The following WDFY2 variants were observed in gnomAD, a reference collection of about 807,000 sequenced individuals.
WDFY2 encodes WD repeat and FYVE domain-containing protein 2.
A neutral mutation model predicts 56.4 loss-of-function variants in WDFY2; 36 were observed. The observed-to-expected ratio is 0.64, with a 90% CI of 0.49 to 0.84. The LOEUF (loss-of-function observed/expected upper bound fraction) is 0.84. Among genes scored for constraint, WDFY2 ranks in the 40% least tolerant of loss-of-function variants. The pLI, the probability that WDFY2 is intolerant of heterozygous loss-of-function variation, is 0.00. For missense variants in WDFY2, 444 were observed against 512.2 expected (o/e 0.87, Z 1.29); for synonymous variants, 176 against 183.7 (o/e 0.96, Z 0.34).
At chr13:51,619,223 C>T (rs781068237) in intron 1 of WDFY2, among the ~76,000 whole-genome samples, 17 of 152,126 alleles carry the variant, frequency 1.1e-4, no homozygotes, top group Non-Finnish European at 2.1e-4. Context: ...GAGGCTGAGG[C>T]GGGCAGACTG....
At chr13:51,624,662 G>T (rs907719180) in intron 1 of WDFY2, among the ~76,000 whole-genome samples, 2 of 152,146 alleles carry the variant, frequency 1.3e-5, no homozygotes, top group African/African-American at 4.8e-5. Flanking sequence ...TACAGATCGG[G>T]GTAAAGGACT....
At chr13:51,705,732 C>G (rs1952069884) in intron 4 of WDFY2, among the ~76,000 whole-genome samples, 1 of 152,026 alleles carries the variant, frequency 6.6e-6, no homozygotes, top group South Asian at 2.1e-4. Context: ...CACCAACAAT[C>G]CAATTATACT....
At chr13:51,708,671 T>C (rs941183949) in intron 4 of WDFY2, among the ~76,000 whole-genome samples, 33 of 151,740 alleles carry the variant, frequency 2.2e-4, no homozygotes, top group Non-Finnish European at 4.4e-4. Flanking sequence ...AACCTCACAA[T>C]GTCAGTAATC....
intron 1 of WDFY2, among the ~76,000 whole-genome samples, chr13:51,596,765 C>G (rs1003947739): frequency 6.6e-6 from 1 of 152,150 alleles, no homozygotes; most frequent in East Asian, 1.9e-4. Flanking sequence ...TGAGAAGGGA[C>G]AAGGATCTGA....
At chr13:51,738,433 A>G (rs962927839) in intron 6 of WDFY2, among the ~76,000 whole-genome samples, 1 of 152,234 alleles carries the variant, frequency 6.6e-6, no homozygotes, top group African/African-American at 2.4e-5. Flanking sequence ...TGAAGTAGGT[A>G]ATGGCTGGGT....
chr13:51,617,654 A>C (rs753390523), intron 1 of WDFY2, among the ~76,000 whole-genome samples: 13 of 152,202 alleles, frequency 8.5e-5, no homozygotes, highest in Non-Finnish European at 1.6e-4. Flanking sequence ...CAGATTCCTT[A>C]GGGTGGAACA....
intron 1 of WDFY2, among the ~76,000 whole-genome samples, chr13:51,651,351 T>C (rs372470114): frequency 6.6e-6 from 1 of 152,170 alleles, no homozygotes; most frequent in African/African-American, 2.4e-5. Context: ...TTTGTTGATC[T>C]TTTCAAAAAA....
intron 6 of WDFY2, among the ~76,000 whole-genome samples, chr13:51,734,484 T>C (rs1166171473): frequency 6.6e-6 from 1 of 152,226 alleles, no homozygotes; most frequent in Non-Finnish European, 1.5e-5. Context: ...TGAGAGTATA[T>C]AGTAGTATAC....
rs778112579 is a variant in WDFY2 at position 51,765,794 on chromosome 13, C to A, written c.*6025C>A. 4 of 152,086 alleles carry A rather than the reference C, an allele frequency of 2.6e-5. No homozygotes were observed. The highest frequency in any genetic ancestry group is 5.9e-5 in the Non-Finnish European group (4 of 68,014). 9.4% of individuals were successfully genotyped at this position (152,086 alleles called of 1,614,324 possible). ...ATGAGTTTGTAGGGCAAAAAAAATT[C>A]TTTTTAAAGATGGTAAGGGTGGAAA... On this transcript the variant is annotated 3_prime_UTR_variant, in exon 12 of 12. Transcript: ENST00000298125.
chr13:51,751,741 G>A (rs911558123), intron 8 of WDFY2, among the ~76,000 whole-genome samples: 13 of 152,080 alleles, frequency 8.5e-5, no homozygotes, highest in African/African-American at 3.1e-4. Flanking sequence ...CTACAAAAAC[G>A]GAGGACTCAC....
chr13:51,644,336 T>G (rs889190349), intron 1 of WDFY2, among the ~76,000 whole-genome samples: 4 of 152,232 alleles, frequency 2.6e-5, no homozygotes, highest in Admixed American at 6.5e-5. Context: ...TACTACTGAC[T>G]GCTTAAGACA....
At chr13:51,674,487 G>A (rs749840117) in intron 2 of WDFY2, among the ~76,000 whole-genome samples, 15 of 152,148 alleles carry the variant, frequency 9.9e-5, no homozygotes, top group South Asian at 2.1e-4. Context: ...TCAGTCCTGC[G>A]GAACAGGGAG....
intron 3 of WDFY2, among the ~76,000 whole-genome samples, chr13:51,678,171 G>T (rs1164903921): frequency 6.6e-6 from 1 of 152,070 alleles, no homozygotes; most frequent in East Asian, 1.9e-4. Flanking sequence ...GTCACACACG[G>T]TACTCAGTAG....
At chr13:51,736,407 C>T (rs1008796704) in intron 6 of WDFY2, among the ~76,000 whole-genome samples, 3 of 152,208 alleles carry the variant, frequency 2.0e-5, no homozygotes, top group Non-Finnish European at 4.4e-5. Context: ...CATATCCAAA[C>T]TTTCTCTTCT....
At position 51,611,161 on chromosome 13, in the gene WDFY2, C is replaced by T. The variant is rs145775470; in HGVS notation, c.137+26337C>T. ...CAAGGCAGGGATTTTGCTCTGTTCA[C>T]TGATGTATCCCCAGTGCTTACATAC... is the stretch of plus-strand genomic sequence containing the variant. On this transcript the variant is annotated intron_variant, in intron 1 of 11. Transcript: ENST00000298125. 2.1e-3 allele frequency among the ~76,000 whole-genome samples: 313 copies of T among 152,338 alleles called. 1 individual carries two copies. The highest frequency in any genetic ancestry group is 3.0e-3 in the Non-Finnish European group (204 of 68,036).
At chr13:51,758,156 C>T (rs1252193387) in intron 10 of WDFY2, 36 bp from the exon 11 acceptor site, 9 of 1,503,234 alleles carry the variant, frequency 6.0e-6, no homozygotes, top group Middle Eastern at 3.5e-4. Flanking sequence ...TATGTCACCA[C>T]CTTTTCCCCT....
chr13:51,758,550 CT>C (rs1481553756), intron 11 of WDFY2, among the ~76,000 whole-genome samples: 1 of 116,226 alleles, frequency 8.6e-6, no homozygotes, highest in Non-Finnish European at 1.7e-5. Context: ...GACCTCATCT[CT>C]TAAAAAAAAA....
intron 4 of WDFY2, among the ~76,000 whole-genome samples, chr13:51,711,071 G>T (rs964201277): frequency 6.6e-6 from 1 of 152,140 alleles, no homozygotes; most frequent in Non-Finnish European, 1.5e-5. Flanking sequence ...AAACAGCATG[G>T]TACTGGTACC....
At chr13:51,628,146 A>AGGCTGT (rs1954872983) in intron 1 of WDFY2, among the ~76,000 whole-genome samples, 2 of 152,248 alleles carry the variant, frequency 1.3e-5, no homozygotes, top group East Asian at 3.9e-4. Context: ...TCAACATGCC[A>AGGCTGT]TCCACGGCAC....
Sources: allele counts gnomAD v4.1 joint callset (sites outside exome capture counted in the v4.1 genomes callset), GRCh38; gene constraint gnomAD v4.1.1; transcripts MANE v1.5; gene names NCBI Gene and HGNC (gene_info 2026-07-23, HGNC 2026-07-21).